SPOCK1: variants seen among roughly 807,000 people sequenced by gnomAD.
The protein encoded by SPOCK1 is SPARC (osteonectin), cwcv and kazal like domains proteoglycan 1, also known as testican-1.
A neutral mutation model predicts 55.3 loss-of-function variants in SPOCK1; 23 were observed. The observed-to-expected ratio is 0.42, with a 90% CI of 0.30 to 0.59. The LOEUF (loss-of-function observed/expected upper bound fraction) is 0.59. Ranked by LOEUF, SPOCK1 falls within the 20% of genes least tolerant of loss-of-function variation. The pLI, the probability that SPOCK1 is intolerant of heterozygous loss-of-function variation, is 0.22. For synonymous variants in SPOCK1, 226 were observed against 221.0 expected (o/e 1.02, Z -0.20); for missense variants, 499 against 552.5 (o/e 0.90, Z 0.97).
At chr5:136,987,503 C>T (rs1390158533) in intron 8 of SPOCK1, among the ~76,000 whole-genome samples, 1 of 152,128 alleles carries the variant, frequency 6.6e-6, no homozygotes, top group African/African-American at 2.4e-5. Flanking sequence ...TTGTTACCAC[C>T]TCTTTGGAGG....
chr5:137,200,103 A>G (rs1302952160), intron 3 of SPOCK1, among the ~76,000 whole-genome samples: 5 of 152,190 alleles, frequency 3.3e-5, no homozygotes. Flanking sequence ...GATATCACTC[A>G]AAGTGAAGAG....
intron 2 of SPOCK1, among the ~76,000 whole-genome samples, chr5:137,307,155 TA>T (rs1757713529): frequency 6.6e-6 from 1 of 152,236 alleles, no homozygotes; most frequent in Admixed American, 6.5e-5. Context: ...AAATATTTGT[TA>T]AGTTTCCACA....
At chr5:137,105,111 T>C (rs1278685520) in intron 5 of SPOCK1, among the ~76,000 whole-genome samples, 1 of 152,218 alleles carries the variant, frequency 6.6e-6, no homozygotes, top group Admixed American at 6.5e-5. Flanking sequence ...CTCCCCTCAG[T>C]GCTGCACAGA....
intron 3 of SPOCK1, among the ~76,000 whole-genome samples, chr5:137,190,716 G>T (rs769562089): frequency 6.6e-6 from 1 of 152,060 alleles, no homozygotes; most frequent in Non-Finnish European, 1.5e-5. Context: ...TTCCCACCCT[G>T]TCTACCAGCC....
At chr5:137,115,508 G>A (rs1381166269) in intron 4 of SPOCK1, among the ~76,000 whole-genome samples, 4 of 152,234 alleles carry the variant, frequency 2.6e-5, no homozygotes, top group East Asian at 3.9e-4. Context: ...CTGAAACATT[G>A]TTCCTGGCTC....
At chr5:137,323,328 A>ATTTT (rs1296099666) in intron 2 of SPOCK1, among the ~76,000 whole-genome samples, 1 of 152,216 alleles carries the variant, frequency 6.6e-6, no homozygotes, top group African/African-American at 2.4e-5. Flanking sequence ...AGGGTGGAAA[A>ATTTT]AGATATTCCA....
rs1408409716 is a variant in SPOCK1, at chr5:137,127,851, G to A, written c.347+12729C>T. Among the ~76,000 whole-genome samples, 2 of 152,208 alleles carry A rather than the reference G, an allele frequency of 1.3e-5. 1 individual carries two copies. Among genetic ancestry groups the A allele is most frequent in the African/African-American group, 4.8e-5 (2 of 41,440 alleles). On this transcript the variant is annotated intron_variant, in intron 4 of 10. Transcript: ENST00000394945. ...CTGGATTTAGATGATATTTAGATGA[G>A]AGTTTGGACTTAAGACTTTAAAGTT...
At chr5:137,246,427 T>C (rs1430711417) in intron 3 of SPOCK1, among the ~76,000 whole-genome samples, 2 of 152,186 alleles carry the variant, frequency 1.3e-5, no homozygotes, top group Non-Finnish European at 2.9e-5. Flanking sequence ...CCTACATCCA[T>C]TGAGACTAGT....
intron 3 of SPOCK1, among the ~76,000 whole-genome samples, chr5:137,219,461 G>A (rs987697661): frequency 6.6e-6 from 1 of 152,126 alleles, no homozygotes; most frequent in African/African-American, 2.4e-5. Context: ...CTGCAAATAT[G>A]TTTCTTTATA....
chr5:137,425,366 T>C (rs565606216), intron 2 of SPOCK1, among the ~76,000 whole-genome samples: 4 of 152,230 alleles, frequency 2.6e-5, no homozygotes, highest in African/African-American at 2.4e-5. Context: ...CCTGCTCCCA[T>C]GTGTGGCTTT....
At chr5:137,416,744 G>A (rs150139578) in intron 2 of SPOCK1, among the ~76,000 whole-genome samples, 1 of 152,244 alleles carries the variant, frequency 6.6e-6, no homozygotes, top group African/African-American at 2.4e-5. Flanking sequence ...ATCAGTGAGA[G>A]TTCCACATCC....
intron 6 of SPOCK1, among the ~76,000 whole-genome samples, chr5:137,035,089 G>A (rs1219242574): frequency 6.6e-6 from 1 of 152,206 alleles, no homozygotes; most frequent in Non-Finnish European, 1.5e-5. Context: ...CTCAGGCCCT[G>A]AGCCTGACAT....
At chr5:137,436,445 A>G (rs1035386888) in intron 2 of SPOCK1, among the ~76,000 whole-genome samples, 1 of 152,180 alleles carries the variant, frequency 6.6e-6, no homozygotes, top group Admixed American at 6.5e-5. Context: ...CTGTTTCTAG[A>G]CTATTCTGTT....
At chr5:137,002,595 A>G (rs1751172993) in intron 6 of SPOCK1, among the ~76,000 whole-genome samples, 1 of 152,188 alleles carries the variant, frequency 6.6e-6, no homozygotes, top group Non-Finnish European at 1.5e-5. Flanking sequence ...GAGACTTGAA[A>G]TCGATTAGCA....
intron 2 of SPOCK1, among the ~76,000 whole-genome samples, chr5:137,306,500 C>T (rs7733981): frequency 0.25 from 37,396 of 151,930 alleles, 4,954 homozygotes; most frequent in East Asian, 0.38. Flanking sequence ...GTGCTTTCTT[C>T]GTCCAATTAT....
At chr5:137,286,983 G>A (rs759026382) in intron 2 of SPOCK1, among the ~76,000 whole-genome samples, 2 of 152,158 alleles carry the variant, frequency 1.3e-5, no homozygotes, top group Non-Finnish European at 2.9e-5. Context: ...GGAGGTGCTG[G>A]AGAATTTCCC....
intron 2 of SPOCK1, among the ~76,000 whole-genome samples, chr5:137,284,974 T>A (rs1378748985): frequency 3.9e-5 from 6 of 152,164 alleles, no homozygotes; most frequent in Non-Finnish European, 8.8e-5. Flanking sequence ...ACAGCTTTTG[T>A]TTACACAAGT....
chr5:137,154,928 G>A (rs1754386225), intron 3 of SPOCK1, among the ~76,000 whole-genome samples: 2 of 152,208 alleles, frequency 1.3e-5, no homozygotes, highest in Admixed American at 1.3e-4. Flanking sequence ...ATTCAAAGGA[G>A]AATGAACTGT....
intron 3 of SPOCK1, among the ~76,000 whole-genome samples, chr5:137,149,468 A>G (rs1404860909): frequency 6.6e-6 from 1 of 152,270 alleles, no homozygotes; most frequent in Non-Finnish European, 1.5e-5. Flanking sequence ...AGATTTACTC[A>G]AAATACAAAA....
Sources: gnomAD v4.1 joint callset for allele counts (sites outside exome capture counted in the v4.1 genomes callset) on GRCh38, gnomAD v4.1.1 for gene constraint, MANE v1.5 for transcripts, NCBI Gene and HGNC (gene_info 2026-07-23, HGNC 2026-07-21) for gene names.